Variants in PSEN2 observed in about 807,000 individuals in gnomAD.
PSEN2 encodes the protein presenilin 2.
PSEN2 carries 32 observed loss-of-function variants against 49.1 expected under a neutral mutation model. The ratio of observed to expected loss-of-function variants is 0.65; its 90% CI spans 0.49 to 0.88. The LOEUF (loss-of-function observed/expected upper bound fraction) is 0.88. Ranked by LOEUF, PSEN2 falls within the 40% of genes least tolerant of loss-of-function variation. The pLI, the probability that PSEN2 is intolerant of heterozygous loss-of-function variation, is 0.00. For synonymous variants in PSEN2, 255 were observed against 244.0 expected (o/e 1.05, Z -0.42); for missense variants, 522 against 586.9 (o/e 0.89, Z 1.14).
intron 11 of PSEN2, among the ~76,000 whole-genome samples, chr1:226,892,100 C>G (rs1571967777): frequency 6.6e-6 from 1 of 152,288 alleles, no homozygotes; most frequent in East Asian, 1.9e-4. Context: ...CTGGTGGGAC[C>G]CACAGGCTAA....
chr1:226,885,649 G>A lies in PSEN2; in HGVS notation c.468G>A (p.Leu156=). The A allele has an allele frequency of 1.2e-6, 2 of 1,610,836 alleles. No individual in the cohort carries two copies. Residue 156 remains leucine, a synonymous_variant, in exon 6 of 13, where the codon TTG becomes TTA. Transcript: ENST00000366783. ...ISVIVVMTIF[L]VVLYKYRCYK... ...TCATCGTGGTTATGACCATCTTCTT[G>A]GTGGTGCTCTACAAGTACCGCTGCT... is the stretch of plus-strand genomic sequence containing the variant.
chr1:226,885,534 T>C lies in PSEN2; in HGVS notation c.357-4T>C, dbSNP rs767181943. The C allele has an allele frequency of 6.2e-7, 1 of 1,613,190 alleles. No homozygotes were observed. The highest frequency in any genetic ancestry group is 2.2e-5 in the East Asian group (1 of 44,810). On this transcript the variant is annotated splice_region_variant and splice_polypyrimidine_tract_variant and intron_variant, in intron 5 of 12. Coordinates refer to ENST00000366783, the MANE Select transcript of PSEN2 (RefSeq NM_000447.3). ...GAGCATCAGCCCTTTGCCTTCTCCC[T>C]CAGCATCTACACGCCATTCACTGAG...
intron 11 of PSEN2, among the ~76,000 whole-genome samples, 200 bp downstream of exon 11, chr1:226,892,044 T>C (rs1261941607): frequency 6.6e-6 from 1 of 152,162 alleles, no homozygotes; most frequent in African/African-American, 2.4e-5. Flanking sequence ...CCGGCATGTA[T>C]TGAGTATGGG....
rs1448423904 is a variant in PSEN2, at chr1:226,872,149, G to C, written c.-207+745G>C. 4.6e-5 allele frequency among the ~76,000 whole-genome samples: 7 copies of C among 152,282 alleles called. No individual in the cohort carries two copies. The South Asian group carries it at 1.5e-3, about 32-fold the overall frequency. On this transcript the variant is annotated intron_variant, in intron 2 of 12. Transcript: ENST00000366783. Reference sequence around the variant, plus strand: ...GAGCAAGGGCTAGGGGCTGCTGCTGGGGTGCCTGGAGCTGTGGTGCATAAT... The same window carrying C: ...GAGCAAGGGCTAGGGGCTGCTGCTGCGGTGCCTGGAGCTGTGGTGCATAAT...
chr1:226,873,775 A>G (rs1558136639), intron 2 of PSEN2, among the ~76,000 whole-genome samples: 1 of 152,170 alleles, frequency 6.6e-6, no homozygotes, highest in Admixed American at 6.5e-5. Context: ...ATATTTATCT[A>G]TTAAAACAAT....
intron 5 of PSEN2, among the ~76,000 whole-genome samples, chr1:226,884,195 G>C (rs1478687784): frequency 6.6e-6 from 1 of 152,214 alleles, no homozygotes; most frequent in Non-Finnish European, 1.5e-5. Context: ...GTTAATATGA[G>C]TGAAGGGCTT....
chr1:226,877,499 T>C (rs957167492), intron 3 of PSEN2, among the ~76,000 whole-genome samples: 1 of 152,200 alleles, frequency 6.6e-6, no homozygotes, highest in African/African-American at 2.4e-5. Context: ...ACAGTGATCC[T>C]AAGGGATTCA....
chr1:226,895,769 C>T lies in PSEN2; in HGVS notation c.*190C>T. The stretch of plus-strand genomic sequence containing the variant: ...GCTGTTTCATCACCAGACTTTGGCT[C>T]CCGCTTTGGGGAGCGCCTCGCTTCA... On this transcript the variant is annotated 3_prime_UTR_variant, in exon 13 of 13. Coordinates refer to ENST00000366783, the MANE Select transcript of PSEN2 (RefSeq NM_000447.3). The T allele has an allele frequency of 2.9e-6, 2 of 698,686 alleles. No homozygotes were observed. Among genetic ancestry groups the T allele is most frequent in the Non-Finnish European group, 4.7e-6 (2 of 423,576 alleles). The allele number at this position is 698,686 out of a possible 1,614,324, so 43.3% of individuals were successfully genotyped here. A position where few individuals can be genotyped will look rare whatever the true frequency, so the allele number is the denominator to read the frequency against.
At chr1:226,885,743 G>A in intron 6 of PSEN2, 64 bp downstream of exon 6, 2 of 1,592,402 alleles carry the variant, frequency 1.3e-6, no homozygotes, top group Non-Finnish European at 1.7e-6. Context: ...ATGGCGGCAG[G>A]GCCCGTGAAA....
rs200981406 is a variant in PSEN2 at position 226,885,535 on chromosome 1, C to T, written c.357-3C>T. On this transcript the variant is annotated splice_region_variant and splice_polypyrimidine_tract_variant and intron_variant, in intron 5 of 12. Coordinates refer to ENST00000366783, the MANE Select transcript of PSEN2 (RefSeq NM_000447.3). ...AGCATCAGCCCTTTGCCTTCTCCCTCAGCATCTACACGCCATTCACTGAGG... is the reference window on the plus strand; with the variant it reads ...AGCATCAGCCCTTTGCCTTCTCCCTTAGCATCTACACGCCATTCACTGAGG... 1 of 1,613,950 alleles carries T rather than the reference C, an allele frequency of 6.2e-7. No individual in the cohort carries two copies. Among genetic ancestry groups the T allele is most frequent in the Non-Finnish European group, 8.5e-7 (1 of 1,179,950 alleles).
downstream of PSEN2, chr1:226,899,534 C>A (rs891594712): frequency 6.6e-6 from 1 of 152,294 alleles, no homozygotes; most frequent in Non-Finnish European, 1.5e-5. Flanking sequence ...AGTTTCTGTT[C>A]CTGAGATGCT....
intron 11 of PSEN2, among the ~76,000 whole-genome samples, chr1:226,892,167 T>C (rs1243685996): frequency 2.0e-5 from 3 of 149,182 alleles, no homozygotes; most frequent in African/African-American, 7.5e-5. Flanking sequence ...AAGGGGGCCA[T>C]GGGGTTGGGG....
intron 9 of PSEN2, 38 bp from the exon 10 acceptor site, chr1:226,891,240 A>G: frequency 6.3e-7 from 1 of 1,593,806 alleles, no homozygotes. Flanking sequence ...AGCCACTGTT[A>G]GCACCGCCTG....
intron 5 of PSEN2, among the ~76,000 whole-genome samples, chr1:226,885,070 T>TTGCTTCCTGTGTC (rs1382489822): frequency 7.9e-5 from 12 of 152,070 alleles, no homozygotes; most frequent in African/African-American, 2.9e-4. Context: ...TTTGAGTGAA[T>TTGCTTCCTGTGTC]TGCTTCCTGT....
chr1:226,890,546 A>T (rs1661674642), intron 9 of PSEN2: 1 of 289,078 alleles, frequency 3.5e-6, no homozygotes, highest in Admixed American at 4.6e-5. Context: ...CATTAATCCT[A>T]ACTGAAGGGA....
chr1:226,876,703 T>G (rs1660649061), intron 3 of PSEN2, among the ~76,000 whole-genome samples: 1 of 152,254 alleles, frequency 6.6e-6, no homozygotes, highest in Admixed American at 6.5e-5. Context: ...TCGGTTAAAT[T>G]TAACAGCGTG....
intron 10 of PSEN2, 127 bp from the exon 11 acceptor site, chr1:226,891,616 C>T: frequency 2.2e-6 from 2 of 897,302 alleles, no homozygotes. Flanking sequence ...GTGTCAGGTG[C>T]TGGTGCTCAG....
At chr1:226,891,443 C>A in intron 10 of PSEN2, 82 bp downstream of exon 10, 1 of 1,258,016 alleles carries the variant, frequency 7.9e-7, no homozygotes, top group Non-Finnish European at 1.1e-6. Context: ...GGCCTGGCTT[C>A]CCTGAGAGGC....
chr1:226,891,602 C>T lies in PSEN2; in HGVS notation c.971-141C>T, dbSNP rs1311749457. The stretch of plus-strand genomic sequence containing the variant: ...CGTGGGTGGGTGGAGTGGGGGAAGC[C>T]CTGGTGTCAGGTGCTGGTGCTCAGG... On this transcript the variant is annotated intron_variant, in intron 10 of 12. Transcript: ENST00000366783. 1.2e-5 allele frequency: 10 copies of T among 836,526 alleles called. No homozygotes were observed. In the Admixed American group the frequency reaches 2.0e-4, roughly 17 times the overall value. The allele number at this position is 836,526 out of a possible 1,614,324, so 51.8% of individuals were successfully genotyped here.
Sources: gnomAD v4.1 joint callset for allele counts (sites outside exome capture counted in the v4.1 genomes callset) on GRCh38, gnomAD v4.1.1 for gene constraint, MANE v1.5 for transcripts, NCBI Gene and HGNC (gene_info 2026-07-23, HGNC 2026-07-21) for gene names.